FGF13: variants seen among roughly 807,000 people sequenced by gnomAD.
FGF13 encodes fibroblast growth factor homologous factor 2.
A neutral mutation model predicts 19.5 loss-of-function variants in FGF13; 2 were observed. That is an observed-to-expected ratio of 0.10 (90% CI 0.04 to 0.32). FGF13 has a LOEUF of 0.32. FGF13 is among the 10% of genes least tolerant of loss of function. The probability of loss-of-function intolerance (pLI) is 1.00; values close to 1 mark genes in which losing one functional copy is unlikely to be tolerated. For missense variants in FGF13, 113 were observed against 192.7 expected (o/e 0.59, Z 2.45); for synonymous variants, 72 against 76.9 (o/e 0.94, Z 0.33).
chrX:138,696,596 T>A (rs1033729851), intron 3 of FGF13, among the ~76,000 whole-genome samples: 1 of 111,674 alleles, frequency 9.0e-6, no homozygotes, highest in Admixed American at 9.5e-5. Context: ...GCCATGAGAT[T>A]GATAAGGCTG....
intron 3 of FGF13, among the ~76,000 whole-genome samples, chrX:138,852,354 G>C (rs1418982154): frequency 4.5e-5 from 5 of 111,550 alleles, no homozygotes; most frequent in Non-Finnish European, 7.5e-5. Context: ...TACAAAAGCA[G>C]ACACATACAA....
chrX:138,874,822 T>C (rs1253746486), intron 1 of FGF13, among the ~76,000 whole-genome samples: 3 of 111,614 alleles, frequency 2.7e-5, no homozygotes, highest in Non-Finnish European at 5.6e-5. Context: ...TCAGTCCTAA[T>C]GAATGGAGAA....
intron 1 of FGF13, among the ~76,000 whole-genome samples, chrX:139,059,332 G>C (rs1349329391): frequency 9.1e-6 from 1 of 110,433 alleles, no homozygotes; most frequent in Non-Finnish European, 1.9e-5. Context: ...TTGGCAGAGA[G>C]CCACCAGACA....
intron 3 of FGF13, among the ~76,000 whole-genome samples, chrX:138,802,138 GAAAACA>G (rs764201609): frequency 9.0e-6 from 1 of 111,612 alleles, no homozygotes; most frequent in Non-Finnish European, 1.9e-5. Context: ...ACTGGGGTAT[GAAAACA>G]AAAACAAAAA....
intron 3 of FGF13, among the ~76,000 whole-genome samples, chrX:138,646,940 T>G (rs1040516618): frequency 1.8e-5 from 2 of 110,821 alleles, no homozygotes; most frequent in African/African-American, 3.3e-5. Context: ...CTTTCCCCAA[T>G]TCTATAAACC....
intron 1 of FGF13, among the ~76,000 whole-genome samples, chrX:139,197,993 CAA>C (rs57335781): frequency 0.014 from 334 of 23,237 alleles, no homozygotes; most frequent in Non-Finnish European, 0.017. Context: ...GACCCTACCT[CAA>C]AAAAAAAAAA....
chrX:138,774,834 T>C lies in FGF13; in HGVS notation c.218-65906A>G, dbSNP rs771174271. Among the ~76,000 whole-genome samples the C allele has an allele frequency of 1.9e-3, 213 of 112,552 alleles. 1 individual carries two copies. In the South Asian group the frequency reaches 0.026, roughly 14 times the overall value. On this transcript the variant is annotated intron_variant, in intron 3 of 6. Transcript: ENST00000436198. ...AGGCCAATCCATAAGAAACTGACAT[T>C]GTTATAGGTCAAAATAGTTGATTGT...
chrX:139,065,254 C>T (rs1413480215), intron 1 of FGF13, among the ~76,000 whole-genome samples: 1 of 110,163 alleles, frequency 9.1e-6, no homozygotes, highest in Non-Finnish European at 1.9e-5. Flanking sequence ...AACTAATGGG[C>T]AAAATAACCA....
intron 1 of FGF13, among the ~76,000 whole-genome samples, chrX:138,909,329 C>T (rs1311025896): frequency 9.0e-6 from 1 of 111,546 alleles, no homozygotes; most frequent in Non-Finnish European, 1.9e-5. Flanking sequence ...AATTATGCCA[C>T]GATCTCGGCT....
At chrX:138,679,649 C>A (rs141520803) in intron 3 of FGF13, among the ~76,000 whole-genome samples, 1,650 of 112,196 alleles carry the variant, frequency 0.015, 21 homozygotes, top group African/African-American at 0.05. Flanking sequence ...AGTGCATATA[C>A]CTTAGTTTAA....
intron 1 of FGF13, among the ~76,000 whole-genome samples, chrX:139,161,129 A>T (rs1447961254): frequency 8.9e-6 from 1 of 112,241 alleles, no homozygotes; most frequent in African/African-American, 3.2e-5. Flanking sequence ...CTAGCAGCAC[A>T]TTAAAAAGCT....
chrX:138,894,778 T>C (rs968283221), intron 1 of FGF13, among the ~76,000 whole-genome samples: 34 of 110,797 alleles, frequency 3.1e-4, no homozygotes, highest in African/African-American at 8.9e-4. Flanking sequence ...TTCCAATCAA[T>C]AGAAAAAGAG....
intron 1 of FGF13, among the ~76,000 whole-genome samples, chrX:138,970,439 G>T (rs896715604): frequency 6.3e-5 from 7 of 111,205 alleles, no homozygotes; most frequent in Non-Finnish European, 1.3e-4. Context: ...AATGACATAG[G>T]AGGGGGAGAA....
chrX:138,827,858 T>C (rs1332217475), intron 3 of FGF13, among the ~76,000 whole-genome samples: 1 of 112,302 alleles, frequency 8.9e-6, no homozygotes, highest in Non-Finnish European at 1.9e-5. Flanking sequence ...TAATCAATCC[T>C]CAAGACAACT....
intron 3 of FGF13, among the ~76,000 whole-genome samples, chrX:138,656,335 C>T (rs981839714): frequency 5.4e-5 from 6 of 111,734 alleles, no homozygotes; most frequent in African/African-American, 2.0e-4. Flanking sequence ...TTATTCAACA[C>T]GTATAGCATG....
At chrX:138,933,685 CGAATTGGTCTT>C (rs1242156554) in intron 1 of FGF13, among the ~76,000 whole-genome samples, 16 of 73,869 alleles carry the variant, frequency 2.2e-4, no homozygotes, top group Admixed American at 8.2e-4. Flanking sequence ...GGTCTTTATG[CGAATTGGTCTT>C]TATGCTTCAG....
chrX:139,196,351 C>G lies in FGF13; in HGVS notation c.-113+7065G>C, dbSNP rs778405973. On this transcript the variant is annotated intron_variant, in intron 1 of 2. Transcript: ENST00000421460. ...AAAGACACAGTCACCTGGCCAATGT[C>G]CTGTAGCAGTGGTTCAAGAGGATGG... 1.1e-4 allele frequency among the ~76,000 whole-genome samples: 12 copies of G among 111,678 alleles called. 1 individual carries two copies. Among genetic ancestry groups the G allele is most frequent in the Non-Finnish European group, 2.1e-4 (11 of 53,137 alleles).
intron 1 of FGF13, among the ~76,000 whole-genome samples, chrX:138,867,787 A>G (rs752961688): frequency 2.9e-5 from 2 of 69,480 alleles, no homozygotes; most frequent in African/African-American, 1.2e-4. Context: ...CTCTAAATCT[A>G]TCTATCTATC....
At chrX:138,811,542 T>C (rs896626414) in intron 3 of FGF13, among the ~76,000 whole-genome samples, 5 of 110,914 alleles carry the variant, frequency 4.5e-5, no homozygotes, top group African/African-American at 1.6e-4. Context: ...CACGTATCCA[T>C]ATGTAACAAA....
Sources: gnomAD v4.1 joint callset for allele counts (sites outside exome capture counted in the v4.1 genomes callset) on GRCh38, gnomAD v4.1.1 for gene constraint, MANE v1.5 for transcripts, NCBI Gene and HGNC (gene_info 2026-07-23, HGNC 2026-07-21) for gene names.